The following POU2F2 variants were observed in gnomAD, a reference collection of about 807,000 sequenced individuals.
The protein encoded by POU2F2 is POU domain, class 2, transcription factor 2.
In POU2F2, 14 loss-of-function variants were observed where a neutral mutation model predicts 63.5. The ratio of observed to expected loss-of-function variants is 0.22; its 90% CI spans 0.15 to 0.34. The LOEUF (loss-of-function observed/expected upper bound fraction) is 0.34. Among genes scored for constraint, POU2F2 ranks in the 10% least tolerant of loss-of-function variants. POU2F2 has a pLI of 1.00. For missense variants in POU2F2, 607 were observed against 815.2 expected (o/e 0.74, Z 3.11); for synonymous variants, 306 against 348.6 (o/e 0.88, Z 1.36).
At chr19:42,190,393 G>A (rs2035062989) in intron 1 of POU2F2, among the ~76,000 whole-genome samples, 2 of 152,118 alleles carry the variant, frequency 1.3e-5, no homozygotes, top group Non-Finnish European at 2.9e-5. Flanking sequence ...GAGACTGAAA[G>A]GGTAGGGTTG....
chr19:42,099,415 G>T, intron 7 of POU2F2, 112 bp downstream of exon 7: 1 of 942,638 alleles, frequency 1.1e-6, no homozygotes, highest in Non-Finnish European at 1.6e-6. Context: ...CTGGCAGAGT[G>T]TGGCTGGGTC....
At position 42,089,166 on chromosome 19, in the gene POU2F2, T is replaced by C. The variant is rs946187651; in HGVS notation, c.*2091A>G. 4 of 152,218 alleles carry C rather than the reference T, an allele frequency of 2.6e-5. No individual in the cohort carries two copies. The highest frequency in any genetic ancestry group is 5.9e-5 in the Non-Finnish European group (4 of 67,972). 9.4% of individuals were successfully genotyped at this position (152,218 alleles called of 1,614,324 possible). ...GCTCGTGTCCTTCACTGCAACACTT[T>C]GGTTTGAGGAGAGACACAGAAAGAA... On this transcript the variant is annotated 3_prime_UTR_variant, in exon 15 of 15. Coordinates refer to ENST00000692977, the MANE Select transcript of POU2F2 (RefSeq NM_001394376.1).
chr19:42,167,751 G>A (rs547568785), intron 1 of POU2F2, among the ~76,000 whole-genome samples: 1 of 152,278 alleles, frequency 6.6e-6, no homozygotes, highest in South Asian at 2.1e-4. Context: ...GGCAGGTGAG[G>A]GTTGGTCTCA....
chr19:42,097,838 G>T (rs2076980546), intron 7 of POU2F2, among the ~76,000 whole-genome samples: 1 of 152,140 alleles, frequency 6.6e-6, no homozygotes, highest in African/African-American at 2.4e-5. Context: ...AAAGATACAA[G>T]TGCAATTTTG....
chr19:42,169,745 C>CGT lies in POU2F2; in HGVS notation c.-70+6216_-70+6217dup. On this transcript the variant is annotated intron_variant, in intron 1 of 6. Coordinates refer to the POU2F2 transcript ENST00000524801. This position sits in a 1 kb window ranked among gnomAD's most constrained non-coding sequence, Gnocchi z 4.3. ...AGTTTGGCGAATGAGTGCGCGCACA[C>CGT]GTGTGTGTGTGCGTGTGTGTGTGTG... 3.3e-5 allele frequency among the ~76,000 whole-genome samples: 5 copies of CGT among 152,104 alleles called. 1 individual carries two copies. Among genetic ancestry groups the CGT allele is most frequent in the African/African-American group, 1.2e-4 (5 of 41,474 alleles).
Position 42,087,476 on chromosome 19 carries a change from T to A in POU2F2, c.*3781A>T, listed in dbSNP as rs1465475198. The A allele has an allele frequency of 6.6e-6, 1 of 152,094 alleles. No individual in the cohort carries two copies. Among genetic ancestry groups the A allele is most frequent in the East Asian group, 1.9e-4 (1 of 5,194 alleles). 9.4% of individuals were successfully genotyped at this position (152,094 alleles called of 1,614,324 possible). On this transcript the variant is annotated 3_prime_UTR_variant, in exon 15 of 15. Transcript: ENST00000692977. ...AAAACTCATATCCTTCCCCTCCTCC[T>A]GATCTCAGCCCCAACTCCTACTGGG...
intron 2 of POU2F2, among the ~76,000 whole-genome samples, chr19:42,150,646 C>T (rs1294654527): frequency 6.6e-6 from 1 of 151,722 alleles, no homozygotes; most frequent in Non-Finnish European, 1.5e-5. Flanking sequence ...CCCCCTGCAC[C>T]CCCCTCCCTG....
intron 2 of POU2F2, among the ~76,000 whole-genome samples, chr19:42,142,166 C>T (rs1373221888): frequency 1.3e-5 from 2 of 152,114 alleles, no homozygotes; most frequent in Admixed American, 6.6e-5. Flanking sequence ...CTAATTATAA[C>T]CTCTTTTGTA....
rs370891383 is a variant in POU2F2 at position 42,185,938 on chromosome 19, G to A, written c.-70+10445C>T. ...GCCGTTTCACTCTGTTGCCCAGGTTGGAGTGCAGTGGCACTATTATGGCTC... is the reference window on the plus strand; with the variant it reads ...GCCGTTTCACTCTGTTGCCCAGGTTAGAGTGCAGTGGCACTATTATGGCTC... On this transcript the variant is annotated intron_variant, in intron 1 of 5. Transcript: ENST00000532176. 3.3e-5 allele frequency among the ~76,000 whole-genome samples: 5 copies of A among 152,280 alleles called. No homozygotes were observed. The East Asian group carries it at 9.6e-4, about 29-fold the overall frequency.
upstream of POU2F2, among the ~76,000 whole-genome samples, chr19:42,176,430 T>A (rs1238183257): frequency 1.3e-5 from 2 of 151,960 alleles, no homozygotes; most frequent in African/African-American, 4.8e-5. Context: ...GCCGTCAGGC[T>A]CTTTCTCTAG....
chr19:42,183,023 C>G (rs181833217), intron 1 of POU2F2, among the ~76,000 whole-genome samples: 12 of 152,296 alleles, frequency 7.9e-5, no homozygotes, highest in Admixed American at 6.5e-4. Context: ...GGAGGAGCAG[C>G]TGGAGTGGGA....
chr19:42,116,880 G>A (rs568419784), intron 5 of POU2F2: 14 of 457,170 alleles, frequency 3.1e-5, no homozygotes, highest in South Asian at 1.8e-4. Flanking sequence ...AGGCGGAGGC[G>A]GCGGCGGCGG....
chr19:42,189,310 C>G (rs2035051051), intron 1 of POU2F2, among the ~76,000 whole-genome samples: 1 of 152,180 alleles, frequency 6.6e-6, no homozygotes, highest in Non-Finnish European at 1.5e-5. Context: ...CAAGGGGAGT[C>G]ATGGGAGGCC....
chr19:42,141,771 C>T lies in POU2F2; in HGVS notation c.-9+18561G>A, dbSNP rs151177217. Among the ~76,000 whole-genome samples, 2,196 of 152,186 alleles carry T rather than the reference C, an allele frequency of 0.014. 135 individuals are homozygous for T. In the East Asian group the frequency reaches 0.16, roughly 11 times the overall value. ...CTGGGATTACAGGCAAGAGCCACCACGCCTGGCCAGGAACTTAATTAATCT... is the reference window on the plus strand; with the variant it reads ...CTGGGATTACAGGCAAGAGCCACCATGCCTGGCCAGGAACTTAATTAATCT... On this transcript the variant is annotated intron_variant, in intron 2 of 6. Transcript: ENST00000524801.
chr19:42,132,477 C>T (rs1220073246), upstream of POU2F2: 12 of 1,380,592 alleles, frequency 8.7e-6, no homozygotes, highest in Non-Finnish European at 1.1e-5. Context: ...GGGGGCCGAG[C>T]CCTCCCTGCC....
upstream of POU2F2, among the ~76,000 whole-genome samples, chr19:42,177,491 G>A (rs868150514): frequency 1.3e-5 from 2 of 152,070 alleles, no homozygotes; most frequent in Middle Eastern, 3.4e-3. Flanking sequence ...GGCAGGGAGA[G>A]GCCCGAGACC....
At chr19:42,138,523 G>T (rs1054145846) in intron 2 of POU2F2, among the ~76,000 whole-genome samples, 1 of 152,006 alleles carries the variant, frequency 6.6e-6, no homozygotes, top group African/African-American at 2.4e-5. Context: ...AGTTGCAGGT[G>T]GAAGGCTTCT....
intron 1 of POU2F2, among the ~76,000 whole-genome samples, chr19:42,188,615 G>A (rs2035039789): frequency 6.8e-6 from 1 of 147,820 alleles, no homozygotes; most frequent in Non-Finnish European, 1.5e-5. Context: ...AGGTTGCAGT[G>A]AGCCGAGATT....
rs1015062091 is a variant in POU2F2, at chr19:42,092,239, G to C, written c.1296C>G (p.Leu432=). The part of the protein sequence containing the change: ...VTTLSSAVGT[L]HPSRTAGGGG... Reference sequence around the variant, plus strand: ...CCCCTCCAGCTGTCCGGCTGGGGTGGAGCGTCCCCACAGCTGAGGATAAGG... The same window carrying C: ...CCCCTCCAGCTGTCCGGCTGGGGTGCAGCGTCCCCACAGCTGAGGATAAGG... Residue 432 remains leucine (L), a synonymous_variant, in exon 13 of 15, where the codon CTC becomes CTG. Transcript: ENST00000692977. This position sits in a 1 kb window ranked among gnomAD's most constrained non-coding sequence, Gnocchi z 5.0. 2.6e-6 allele frequency: 4 copies of C among 1,565,806 alleles called. No homozygotes were observed. The African/African-American group carries it at 5.4e-5, about 21-fold the overall frequency.
Sources: gnomAD v4.1 joint callset for allele counts (sites outside exome capture counted in the v4.1 genomes callset) on GRCh38, gnomAD v4.1.1 for gene constraint, Gnocchi (gnomAD v3.1) non-coding constraint, MANE v1.5 for transcripts, NCBI Gene and HGNC (gene_info 2026-07-23, HGNC 2026-07-21) for gene names.